Variants in PDLIM2 observed in about 807,000 individuals in gnomAD.
PDLIM2 encodes PDZ and LIM domain 2.
In PDLIM2, 51 loss-of-function variants were observed where a neutral mutation model predicts 54.1. The observed-to-expected ratio is 0.94, with a 90% CI of 0.75 to 1.19. PDLIM2 has a LOEUF of 1.19. PDLIM2 is among the 50% of genes most tolerant of loss of function. PDLIM2 has a pLI of 0.00. For synonymous variants in PDLIM2, 398 were observed against 385.6 expected (o/e 1.03, Z -0.38); for missense variants, 912 against 874.0 (o/e 1.04, Z -0.55).
intron 6 of PDLIM2, among the ~76,000 whole-genome samples, chr8:22,585,918 A>T (rs918632993): frequency 4.8e-5 from 7 of 146,476 alleles, no homozygotes; most frequent in Admixed American, 2.7e-4. Context: ...TCCTCCCCCT[A>T]CCCCCGCCAG....
chr8:22,585,596 A>G, intron 6 of PDLIM2, 197 bp downstream of exon 5: 2 of 121,856 alleles, frequency 1.6e-5, no homozygotes, highest in South Asian at 1.8e-4. Flanking sequence ...TGTGCCCAAG[A>G]CCTGCCCAGC....
chr8:22,580,371 A>G, intron 1 of PDLIM2, 104 bp from the exon 1 acceptor site: 1 of 1,073,124 alleles, frequency 9.3e-7, no homozygotes, highest in Non-Finnish European at 1.3e-6. Flanking sequence ...CCCTGGGCTG[A>G]AGACTAAGGA....
chr8:22,584,170 A>ATTT (rs573417233), intron 3 of PDLIM2, among the ~76,000 whole-genome samples: 1 of 139,586 alleles, frequency 7.2e-6, no homozygotes, highest in Non-Finnish European at 1.6e-5. Context: ...GCTTGGCTAA[A>ATTT]TTTTTTTTTT....
intron 3 of PDLIM2, among the ~76,000 whole-genome samples, chr8:22,583,444 G>C (rs1170482619): frequency 6.6e-6 from 1 of 152,142 alleles, no homozygotes; most frequent in African/African-American, 2.4e-5. Flanking sequence ...TTCTCCATGG[G>C]TTAAAATATA....
intron 6 of PDLIM2, among the ~76,000 whole-genome samples, chr8:22,586,300 G>A (rs1363558833): frequency 6.6e-6 from 1 of 152,242 alleles, no homozygotes; most frequent in Non-Finnish European, 1.5e-5. Context: ...GGCCAGCCTG[G>A]CACTGTGGCC....
Position 22,581,388 on chromosome 8 carries a change from C to T in PDLIM2, c.853C>T (p.Arg285Trp), listed in dbSNP as rs189201133. ...CTCCTCATCCCTACAGGTGGCCGAG[C>T]GGGGCAAAGCCAAGGACGCTGACCT... Residue 285 changes from arginine (R) to tryptophan (W), a missense_variant, in exon 3 of 10, where the codon CGG becomes TGG. Arg to Trp is a moderately radical substitution (Grantham distance 101, BLOSUM62 -3). Coordinates refer to ENST00000308354, the Ensembl canonical transcript of PDLIM2. The T allele has an allele frequency of 1.9e-5, 31 of 1,602,202 alleles. No individual in the cohort carries two copies. Among genetic ancestry groups the T allele is most frequent in the African/African-American group, 1.1e-4 (8 of 74,820 alleles).
exon 10 of PDLIM2, chr8:22,593,882 C>T (rs1284430629): frequency 4.5e-6 from 7 of 1,550,284 alleles, no homozygotes; most frequent in Non-Finnish European, 6.1e-6. Context: ...CGCTACTCCG[C>T]ACCTGCCACC....
intron 6 of PDLIM2, among the ~76,000 whole-genome samples, chr8:22,587,574 C>T (rs769019198): frequency 6.6e-5 from 10 of 152,238 alleles, no homozygotes; most frequent in Admixed American, 3.3e-4. Context: ...GTGTTGGCTA[C>T]AGACAAGCTC....
chr8:22,579,289 GC>G lies in PDLIM2; in HGVS notation c.514del (p.Leu172CysfsTer82). The G allele has an allele frequency of 1.4e-6, 2 of 1,381,656 alleles. No individual in the cohort carries two copies. The allele number at this position is 1,381,656 out of a possible 1,614,324, so 85.6% of individuals were successfully genotyped here. A position where few individuals can be genotyped will look rare whatever the true frequency, so the allele number is the denominator to read the frequency against. ...TCCCCGGCGCCGGGCTCCTCTCCGC[GC>G]CCCTGTCGGCGCGGAACCCTGGCCT... On this transcript the variant is annotated frameshift_variant, in exon 1 of 10. Transcript: ENST00000308354. LOFTEE classifies it high-confidence loss of function.
chr8:22,585,324 C>T (rs903504631), exon 6 of PDLIM2: 2 of 1,612,912 alleles, frequency 1.2e-6, no homozygotes, highest in Non-Finnish European at 1.7e-6. Flanking sequence ...CTTTCAGCTT[C>T]CAGAGTCTGG....
chr8:22,595,547 G>A (rs1309196102), downstream of PDLIM2: 2 of 152,282 alleles, frequency 1.3e-5, no homozygotes, highest in Admixed American at 6.5e-5. Context: ...ATGAATAAGA[G>A]GATGTGGCAC....
At chr8:22,581,029 C>T (rs576653253) in intron 2 of PDLIM2, 2 of 658,614 alleles carry the variant, frequency 3.0e-6, no homozygotes, top group East Asian at 3.2e-5. Flanking sequence ...TTGACCTGGG[C>T]CCAGGCTGGG....
Position 22,585,305 on chromosome 8 carries a change from C to G in PDLIM2, c.1212-16C>G. 1 of 1,612,860 alleles carries G rather than the reference C, an allele frequency of 6.2e-7. No individual in the cohort carries two copies. On this transcript the variant is annotated splice_polypyrimidine_tract_variant and intron_variant, in intron 5 of 9. Coordinates refer to ENST00000308354, the Ensembl canonical transcript of PDLIM2. Reference sequence around the variant, plus strand: ...GGGGGTGGCCCTGGCACACACTGTCCCTTTCCCACTTTCAGCTTCCAGAGT... The same window carrying G: ...GGGGGTGGCCCTGGCACACACTGTCGCTTTCCCACTTTCAGCTTCCAGAGT...
intron 8 of PDLIM2, chr8:22,590,902 T>G (rs2117365063): frequency 6.5e-6 from 1 of 153,652 alleles, no homozygotes; most frequent in Non-Finnish European, 1.5e-5. Flanking sequence ...AGAGGCCATA[T>G]GGACAGGGCA....
At chr8:22,590,087 G>GA in intron 8 of PDLIM2, 1 of 296,886 alleles carries the variant, frequency 3.4e-6, no homozygotes, top group Non-Finnish European at 6.4e-6. Context: ...CTTGGCCTTA[G>GA]AAAAAACATC....
intron 9 of PDLIM2, 48 bp from the exon 9 acceptor site, chr8:22,593,685 C>T (rs547264231): frequency 6.6e-7 from 1 of 1,519,506 alleles, no homozygotes; most frequent in Non-Finnish European, 8.9e-7. Flanking sequence ...ATGGTGGCCT[C>T]CTGCTTGGTG....
intron 1 of PDLIM2, chr8:22,580,592 C>T: frequency 6.2e-7 from 1 of 1,614,022 alleles, no homozygotes; most frequent in South Asian, 1.1e-5. Flanking sequence ...TCCTGGTCCT[C>T]TCTTCCTCAG....
exon 5 of PDLIM2, chr8:22,585,119 C>T (rs202148092): frequency 2.5e-6 from 4 of 1,613,814 alleles, no homozygotes; most frequent in Non-Finnish European, 3.4e-6. Flanking sequence ...CTCACCACCA[C>T]CCTCTAGCAG....
intron 6 of PDLIM2, among the ~76,000 whole-genome samples, chr8:22,586,763 G>C (rs1017159228): frequency 3.3e-5 from 5 of 152,132 alleles, no homozygotes; most frequent in Non-Finnish European, 7.4e-5. Context: ...CTTCCCCATC[G>C]TGTTGCCCCC....
Sources: gnomAD v4.1 joint callset for allele counts (sites outside exome capture counted in the v4.1 genomes callset) on GRCh38, gnomAD v4.1.1 for gene constraint, MANE v1.5 for transcripts, NCBI Gene and HGNC (gene_info 2026-07-23, HGNC 2026-07-21) for gene names.